The following PPP2R1A variants were observed in gnomAD, a reference collection of about 807,000 sequenced individuals.
PPP2R1A encodes serine/threonine-protein phosphatase 2A 65 kDa regulatory subunit A alpha isoform.
A neutral mutation model predicts 67.1 loss-of-function variants in PPP2R1A; 15 were observed. The observed-to-expected ratio is 0.22, with a 90% CI of 0.15 to 0.34. PPP2R1A has a LOEUF of 0.34. PPP2R1A is among the 10% of genes least tolerant of loss of function. The pLI, the probability that PPP2R1A is intolerant of heterozygous loss-of-function variation, is 1.00. For synonymous variants in PPP2R1A, 337 were observed against 325.0 expected, an observed-to-expected ratio of 1.04 and a Z score of -0.40; for missense variants, 369 against 775.0, an observed-to-expected ratio of 0.48 and a Z score of 6.22.
chr19:52,214,494 C>T (rs1391067693), intron 6 of PPP2R1A, among the ~76,000 whole-genome samples: 1 of 152,170 alleles, frequency 6.6e-6, no homozygotes, highest in Non-Finnish European at 1.5e-5. Context: ...GAATTTTAGG[C>T]TGTTAAACCA....
At chr19:52,201,791 G>A in intron 1 of PPP2R1A, 153 bp from the exon 2 acceptor site, 1 of 615,980 alleles carries the variant, frequency 1.6e-6, no homozygotes, top group South Asian at 1.9e-5. Context: ...GAGGTCACAG[G>A]GTCTCTTGGT....
intron 11 of PPP2R1A, 146 bp from the exon 12 acceptor site, chr19:52,220,833 A>G (rs576802634): frequency 2.2e-6 from 2 of 891,970 alleles, no homozygotes; most frequent in Admixed American, 2.5e-5. Flanking sequence ...TATAGCACAT[A>G]GTAAGTCCTT....
At chr19:52,196,180 TA>T (rs2089494675) in intron 1 of PPP2R1A, among the ~76,000 whole-genome samples, 1 of 132,510 alleles carries the variant, frequency 7.5e-6, no homozygotes, top group Non-Finnish European at 1.7e-5. Flanking sequence ...ACTTGGGAGA[TA>T]GTCAGTGCAC....
At chr19:52,209,376 T>C (rs73935031) in intron 3 of PPP2R1A, among the ~76,000 whole-genome samples, 7,601 of 152,218 alleles carry the variant, frequency 0.05, 294 homozygotes, top group African/African-American at 0.1. Context: ...TGTCCTGAAC[T>C]TGAGACGTCA....
At position 52,216,523 on chromosome 19, in the gene PPP2R1A, TC is replaced by T. The variant is rs1978585547; in HGVS notation, c.994-3del. On this transcript the variant is annotated splice_region_variant and splice_polypyrimidine_tract_variant and intron_variant, in intron 8 of 14. Coordinates refer to ENST00000322088, the MANE Select transcript of PPP2R1A (RefSeq NM_014225.6). The surrounding 1 kb of genome is among the most constrained non-coding windows in gnomAD (Gnocchi z 4.3). Reference sequence around the variant, plus strand: ...GACCCCTGTGCCTGCCTCTTCTCTCTCCCAGGAGCTGGTGTCCGATGCCAAC... The same window carrying T: ...GACCCCTGTGCCTGCCTCTTCTCTCTCCAGGAGCTGGTGTCCGATGCCAAC... The T allele has an allele frequency of 6.2e-7, 1 of 1,614,150 alleles. No individual in the cohort carries two copies. The highest frequency in any genetic ancestry group is 8.5e-7 in the Non-Finnish European group (1 of 1,180,022).
chr19:52,193,643 C>T (rs907455548), intron 1 of PPP2R1A, among the ~76,000 whole-genome samples: 1 of 152,066 alleles, frequency 6.6e-6, no homozygotes, highest in Admixed American at 6.5e-5. Context: ...CGTCTCTGCT[C>T]ATTGCAACCT....
Position 52,227,436 on chromosome 19 carries a change from G to A in PPP2R1A, c.*1455G>A, listed in dbSNP as rs1979330161. ...GGAGAATTAAACTGGTCAAGTGCCT[G>A]TTCGTTTAGGGTTTCATCACTTGAA... On this transcript the variant is annotated 3_prime_UTR_variant, in exon 15 of 15. Transcript: ENST00000322088. 1 of 152,254 alleles carries A rather than the reference G, an allele frequency of 6.6e-6. No homozygotes were observed. The highest frequency in any genetic ancestry group is 6.5e-5 in the Admixed American group (1 of 15,276). The allele number at this position is 152,254 out of a possible 1,614,324, so 9.4% of individuals were successfully genotyped here.
intron 9 of PPP2R1A, among the ~76,000 whole-genome samples, chr19:52,217,788 G>A (rs1978671126): frequency 6.6e-6 from 1 of 152,132 alleles, no homozygotes; most frequent in Admixed American, 6.5e-5. Flanking sequence ...CAGCAGTTCA[G>A]GTTGCCTGTA....
chr19:52,200,239 C>G (rs2089534423), intron 1 of PPP2R1A: 1 of 152,262 alleles, frequency 6.6e-6, no homozygotes, highest in Non-Finnish European at 1.5e-5. Context: ...TCCTCCCACT[C>G]TCACACTCAT....
intron 2 of PPP2R1A, among the ~76,000 whole-genome samples, chr19:52,202,884 G>A (rs1048574256): frequency 2.6e-5 from 4 of 152,212 alleles, no homozygotes; most frequent in South Asian, 2.1e-4. Flanking sequence ...AGTACGTGCC[G>A]CCTAAGCGAT....
chr19:52,196,735 C>G (rs188520123), intron 1 of PPP2R1A, among the ~76,000 whole-genome samples: 147 of 152,292 alleles, frequency 9.7e-4, no homozygotes, highest in African/African-American at 3.4e-3. Flanking sequence ...TGTGGCACTT[C>G]ATGGTGTCAG....
chr19:52,226,086 A>AT lies in PPP2R1A; in HGVS notation c.*106dup, dbSNP rs1979242730. On this transcript the variant is annotated 3_prime_UTR_variant, in exon 15 of 15. Transcript: ENST00000322088. Reference sequence around the variant, plus strand: ...GGCCTTTGGCTGTCACTCCCTGTGCATGGTCTGACCCCAGGCCCCTTCCCC... The same window carrying AT: ...GGCCTTTGGCTGTCACTCCCTGTGCATTGGTCTGACCCCAGGCCCCTTCCCC... 1.1e-5 allele frequency: 17 copies of AT among 1,552,214 alleles called. No homozygotes were observed. The highest frequency in any genetic ancestry group is 1.5e-5 in the Non-Finnish European group (17 of 1,125,990).
At position 52,229,210 on chromosome 19, in the gene PPP2R1A, A is replaced by T. The variant is rs958161282; in HGVS notation, c.*3229A>T. 1 of 152,358 alleles carries T rather than the reference A, an allele frequency of 6.6e-6. No homozygotes were observed. Among genetic ancestry groups the T allele is most frequent in the Non-Finnish European group, 1.5e-5 (1 of 68,222 alleles). 9.4% of individuals were successfully genotyped at this position (152,358 alleles called of 1,614,324 possible). A position where few individuals can be genotyped will look rare whatever the true frequency, so the allele number is the denominator to read the frequency against. On this transcript the variant is annotated 3_prime_UTR_variant, in exon 15 of 15. Coordinates refer to ENST00000322088, the MANE Select transcript of PPP2R1A (RefSeq NM_014225.6). ...GTAATCCCAGCGCTTTGGGAGGCCG[A>T]GGTGGGCGGATCACCTGAGGCCGGG...
At chr19:52,190,271 G>A in intron 1 of PPP2R1A, 97 bp downstream of exon 1, 1 of 1,372,844 alleles carries the variant, frequency 7.3e-7, no homozygotes, top group Non-Finnish European at 1.0e-6. Context: ...TGGGAGTGGC[G>A]GAAGGGGGCG....
In PPP2R1A at chr19:52,213,484, TTTTA is replaced by T. The variant is rs1203947415; in HGVS notation, c.807+375_807+378del. 3.9e-5 allele frequency among the ~76,000 whole-genome samples: 4 copies of T among 101,960 alleles called. No individual in the cohort carries two copies. Among genetic ancestry groups the T allele is most frequent in the African/African-American group, 2.1e-4 (4 of 19,412 alleles). The allele number at this position is 101,960 out of a possible 152,430, so 66.9% of individuals were successfully genotyped here. On this transcript the variant is annotated intron_variant, in intron 6 of 14. Transcript: ENST00000322088. This position sits in a 1 kb window ranked among gnomAD's most constrained non-coding sequence, Gnocchi z 4.2. ...TTTTTTTTTTTTTTTTTTTTTTTTTTTTTAAGATGGAGTCTGTCGCCCAGGCTAG... is the reference window on the plus strand; with the variant it reads ...TTTTTTTTTTTTTTTTTTTTTTTTTTAGATGGAGTCTGTCGCCCAGGCTAG...
intron 3 of PPP2R1A, among the ~76,000 whole-genome samples, chr19:52,209,035 G>A (rs977993443): frequency 2.1e-4 from 32 of 152,292 alleles, no homozygotes; most frequent in African/African-American, 7.7e-4. Context: ...CCTGGGCCCT[G>A]CCTCCAGATA....
rs1327848133 is a variant in PPP2R1A at position 52,226,592 on chromosome 19, T to A, written c.*611T>A. 1 of 191,324 alleles carries A rather than the reference T, an allele frequency of 5.2e-6. No individual in the cohort carries two copies. The highest frequency in any genetic ancestry group is 8.4e-5 in the East Asian group (1 of 11,950). 11.9% of individuals were successfully genotyped at this position (191,324 alleles called of 1,614,324 possible). A position where few individuals can be genotyped will look rare whatever the true frequency, so the allele number is the denominator to read the frequency against. ...TGCTGCTGGCCTTTGGGGTAGAGGG[T>A]CCATGAGGTGCTCTGGGTGGTGTCC... On this transcript the variant is annotated 3_prime_UTR_variant, in exon 15 of 15. Transcript: ENST00000322088.
intron 1 of PPP2R1A, chr19:52,191,026 A>G (rs748126498): frequency 6.6e-6 from 1 of 151,922 alleles, no homozygotes; most frequent in African/African-American, 2.4e-5. Flanking sequence ...CGCCCGACTA[A>G]TTTTTGTATT....
chr19:52,217,199 ATTAT>A lies in PPP2R1A; in HGVS notation c.1128+545_1128+548del, dbSNP rs201894176. On this transcript the variant is annotated intron_variant, in intron 9 of 14. Coordinates refer to ENST00000322088, the MANE Select transcript of PPP2R1A (RefSeq NM_014225.6). ...AGCAAGACTCTGTCTCAAAAAAAAA[ATTAT>A]TTATTTATGTTTTGAGATAGGGTCT... 6.7e-3 allele frequency among the ~76,000 whole-genome samples: 1,016 copies of A among 152,232 alleles called. 12 individuals carry two copies. Among genetic ancestry groups the A allele is most frequent in the African/African-American group, 0.023 (965 of 41,550 alleles).
Sources: allele counts gnomAD v4.1 joint callset (sites outside exome capture counted in the v4.1 genomes callset), GRCh38; gene constraint gnomAD v4.1.1; non-coding constraint Gnocchi (gnomAD v3.1); transcripts MANE v1.5; gene names NCBI Gene and HGNC (gene_info 2026-07-23, HGNC 2026-07-21).